Variants in FOXK2 observed in about 807,000 individuals in gnomAD.
FOXK2 encodes the protein forkhead box protein K2.
In FOXK2, 24 loss-of-function variants were observed where a neutral mutation model predicts 53.3. That is an observed-to-expected ratio of 0.45 (90% CI 0.33 to 0.63). The LOEUF is 0.63. Among genes scored for constraint, FOXK2 ranks in the 30% least tolerant of loss-of-function variants. The probability of loss-of-function intolerance (pLI) is 0.03; values close to 1 mark genes in which losing one functional copy is unlikely to be tolerated. For synonymous variants in FOXK2, 505 were observed against 407.1 expected, an observed-to-expected ratio of 1.24 and a Z score of -2.89; for missense variants, 952 against 910.5, an observed-to-expected ratio of 1.05 and a Z score of -0.59.
In FOXK2 at chr17:82,586,558, A is replaced by T. The variant is rs867136621; in HGVS notation, c.1576+358A>T. 9.3e-4 allele frequency among the ~76,000 whole-genome samples: 137 copies of T among 148,056 alleles called. 18 individuals are homozygous for T. Among genetic ancestry groups the T allele is most frequent in the African/African-American group, 3.2e-3 (123 of 38,032 alleles). On this transcript the variant is annotated intron_variant, in intron 7 of 8. Coordinates refer to ENST00000335255, the MANE Select transcript of FOXK2 (RefSeq NM_004514.4). Reference sequence around the variant, plus strand: ...GAGGTCAAAGGTAGGCGGAGGGGAAAGGAGGAGAGGCTGCCCCATCAGCCT... The same window carrying T: ...GAGGTCAAAGGTAGGCGGAGGGGAATGGAGGAGAGGCTGCCCCATCAGCCT...
chr17:82,540,352 G>C (rs1046205649), intron 1 of FOXK2, among the ~76,000 whole-genome samples: 1 of 152,092 alleles, frequency 6.6e-6, no homozygotes, highest in Non-Finnish European at 1.5e-5. Context: ...GGAGGTAAGA[G>C]ATTTTGGTGT....
At chr17:82,538,524 A>G (rs2044542790) in intron 1 of FOXK2, among the ~76,000 whole-genome samples, 1 of 152,186 alleles carries the variant, frequency 6.6e-6, no homozygotes, top group African/African-American at 2.4e-5. Flanking sequence ...CAAAGGAAAA[A>G]TTACCGTCCT....
At chr17:82,575,968 G>A (rs112268660) in intron 4 of FOXK2, among the ~76,000 whole-genome samples, 18,254 of 127,748 alleles carry the variant, frequency 0.14, 801 homozygotes, top group East Asian at 0.33. Flanking sequence ...TGTGTGCTCG[G>A]GTGGCGGCGG....
chr17:82,577,093 C>T (rs80232322), intron 4 of FOXK2: 3 of 476,346 alleles, frequency 6.3e-6, no homozygotes, highest in East Asian at 4.0e-5. Context: ...ACCCACATGG[C>T]GGAGACTGCG....
chr17:82,584,179 A>G lies in FOXK2; in HGVS notation c.1270A>G (p.Ser424Gly), dbSNP rs770547682. The change falls in exon 6 of 9, where the codon AGC becomes GGC. Residue 424 changes from serine to glycine, a missense_variant. By Grantham distance (56) the Ser-to-Gly change is moderately conservative. Coordinates refer to ENST00000335255, the MANE Select transcript of FOXK2 (RefSeq NM_004514.4). ...CATCCAGGAAGCCCGGTTTGCCCAG[A>G]GCGCCCCAGGTGAGACAGCGGGAGA... ...AVIQEARFAQ[S>G]APGSPLSSQP... 1.9e-6 allele frequency: 3 copies of G among 1,601,746 alleles called. No individual in the cohort carries two copies. Among genetic ancestry groups the G allele is most frequent in the Non-Finnish European group, 2.6e-6 (3 of 1,175,152 alleles).
At chr17:82,544,023 G>A (rs1349672491) in intron 1 of FOXK2, among the ~76,000 whole-genome samples, 5 of 152,008 alleles carry the variant, frequency 3.3e-5, no homozygotes, top group South Asian at 2.1e-4. Flanking sequence ...TGATCCGCCC[G>A]CCTCAGCCTC....
chr17:82,560,898 T>A (rs1302146915), intron 1 of FOXK2, among the ~76,000 whole-genome samples: 2 of 152,116 alleles, frequency 1.3e-5, no homozygotes, highest in Admixed American at 1.3e-4. Flanking sequence ...AGTTCGAGGC[T>A]GCAGTGGGTC....
chr17:82,595,282 G>C (rs1220537576), intron 8 of FOXK2, among the ~76,000 whole-genome samples: 2 of 152,150 alleles, frequency 1.3e-5, no homozygotes, highest in Admixed American at 1.3e-4. Flanking sequence ...TAAGTGGCCT[G>C]TCTTGCCTGG....
chr17:82,543,205 A>C (rs1230921034), intron 1 of FOXK2, among the ~76,000 whole-genome samples: 1 of 152,226 alleles, frequency 6.6e-6, no homozygotes, highest in East Asian at 1.9e-4. Context: ...TGCTTAGTAA[A>C]TAAAACTGGA....
intron 3 of FOXK2, among the ~76,000 whole-genome samples, chr17:82,570,221 C>CAA (rs1288689869): frequency 7.5e-6 from 1 of 133,264 alleles, no homozygotes; most frequent in African/African-American, 2.8e-5. Context: ...GACTCTGTCT[C>CAA]AAAAAAAAAA....
At chr17:82,546,123 T>TG (rs998728553) in intron 1 of FOXK2, among the ~76,000 whole-genome samples, 7 of 144,998 alleles carry the variant, frequency 4.8e-5, no homozygotes, top group African/African-American at 7.7e-5. Flanking sequence ...GGTTTTTTTT[T>TG]TTTTTTTTTT....
At chr17:82,550,680 A>G (rs2044668406) in intron 1 of FOXK2, among the ~76,000 whole-genome samples, 1 of 151,352 alleles carries the variant, frequency 6.6e-6, no homozygotes, top group African/African-American at 2.4e-5. Context: ...TTTTTGTTGT[A>G]TTTTTTAATA....
intron 8 of FOXK2, chr17:82,588,473 T>C (rs116790725): frequency 0.03 from 4,957 of 163,394 alleles, 282 homozygotes; most frequent in African/African-American, 0.11. Flanking sequence ...GGGCTGGCGG[T>C]TGGAGGGCAG....
chr17:82,529,763 C>A (rs1287895756), intron 1 of FOXK2, among the ~76,000 whole-genome samples: 1 of 152,164 alleles, frequency 6.6e-6, no homozygotes, highest in African/African-American at 2.4e-5. Context: ...CCCTTTGCAG[C>A]TTTGAAAGGA....
At chr17:82,524,785 C>T (rs966054959) in intron 1 of FOXK2, among the ~76,000 whole-genome samples, 2 of 152,162 alleles carry the variant, frequency 1.3e-5, no homozygotes, top group Non-Finnish European at 2.9e-5. Context: ...CCCCACCTGG[C>T]AGGGCTCTTG....
intron 1 of FOXK2, among the ~76,000 whole-genome samples, chr17:82,535,168 C>G (rs1184601917): frequency 1.3e-5 from 2 of 152,234 alleles, no homozygotes. Flanking sequence ...GTGTAAGCCA[C>G]CGTGCCCGGC....
intron 5 of FOXK2, among the ~76,000 whole-genome samples, chr17:82,583,679 G>C (rs1041923479): frequency 2.1e-4 from 32 of 152,076 alleles, no homozygotes; most frequent in Non-Finnish European, 4.4e-5. Flanking sequence ...TGAGCGTAAC[G>C]TAAGTCTTAA....
At chr17:82,537,867 A>T (rs939250496) in intron 1 of FOXK2, among the ~76,000 whole-genome samples, 1 of 148,352 alleles carries the variant, frequency 6.7e-6, no homozygotes, top group Non-Finnish European at 1.5e-5. Context: ...GGTTATAGTG[A>T]GCTGAGATTG....
intron 1 of FOXK2, among the ~76,000 whole-genome samples, chr17:82,531,737 A>C (rs1245036484): frequency 1.3e-5 from 2 of 152,240 alleles, no homozygotes; most frequent in African/African-American, 2.4e-5. Flanking sequence ...GTGTCAGCAG[A>C]GCTTGCAGGA....
Sources: gnomAD v4.1 joint callset for allele counts (sites outside exome capture counted in the v4.1 genomes callset) on GRCh38, gnomAD v4.1.1 for gene constraint, MANE v1.5 for transcripts, NCBI Gene and HGNC (gene_info 2026-07-23, HGNC 2026-07-21) for gene names.